The following PDE10A variants were observed in gnomAD, a reference collection of about 807,000 sequenced individuals.
The protein encoded by PDE10A is phosphodiesterase 10A.
In PDE10A, 39 loss-of-function variants were observed where a neutral mutation model predicts 97.7. The ratio of observed to expected loss-of-function variants is 0.40; its 90% CI spans 0.31 to 0.52. The LOEUF is 0.52. Among genes scored for constraint, PDE10A ranks in the 20% least tolerant of loss-of-function variants. The pLI, the probability that PDE10A is intolerant of heterozygous loss-of-function variation, is 0.56. For synonymous variants in PDE10A, 371 were observed against 376.8 expected, an observed-to-expected ratio of 0.98 and a Z score of 0.18; for missense variants, 731 against 1,047.8, an observed-to-expected ratio of 0.70 and a Z score of 4.17.
intron 1 of PDE10A, among the ~76,000 whole-genome samples, chr6:165,821,938 A>G (rs1038304686): frequency 6.6e-6 from 1 of 152,056 alleles, no homozygotes; most frequent in Non-Finnish European, 1.5e-5. Context: ...AAGTGGTTAC[A>G]TTCCTGTTCT....
chr6:165,422,320 TACACACACAGGCATAC>T (rs1562450798), intron 10 of PDE10A, among the ~76,000 whole-genome samples: 1 of 110,632 alleles, frequency 9.0e-6, no homozygotes, highest in Non-Finnish European at 1.9e-5. Flanking sequence ...CATACGCATA[TACACACACAGGCATAC>T]ACACACACAT....
intron 1 of PDE10A, among the ~76,000 whole-genome samples, chr6:165,930,500 T>G (rs1031007015): frequency 1.3e-5 from 2 of 152,222 alleles, no homozygotes; most frequent in Non-Finnish European, 2.9e-5. Context: ...ATGTGTTGTT[T>G]CCCTGCTGAA....
chr6:165,570,130 T>C (rs994488819), intron 1 of PDE10A, among the ~76,000 whole-genome samples: 2 of 152,196 alleles, frequency 1.3e-5, no homozygotes, highest in Non-Finnish European at 2.9e-5. Context: ...ATGAGGTCCA[T>C]AGGGTGAGAC....
intron 3 of PDE10A, among the ~76,000 whole-genome samples, chr6:165,468,330 C>T (rs1016444540): frequency 9.2e-5 from 14 of 151,668 alleles, no homozygotes; most frequent in Non-Finnish European, 1.5e-4. Flanking sequence ...CCTCGTGATC[C>T]GCCCGCCTCA....
chr6:165,687,682 C>T (rs1402639406), intron 1 of PDE10A, among the ~76,000 whole-genome samples: 2 of 152,194 alleles, frequency 1.3e-5, no homozygotes, highest in Non-Finnish European at 2.9e-5. Context: ...TTATGCACTT[C>T]CTCTCACCCA....
At chr6:165,707,461 C>A (rs576453267) in intron 1 of PDE10A, among the ~76,000 whole-genome samples, 4 of 152,328 alleles carry the variant, frequency 2.6e-5, no homozygotes, top group Non-Finnish European at 5.9e-5. Flanking sequence ...TGAGAAACCG[C>A]AGTTTTCATT....
intron 1 of PDE10A, among the ~76,000 whole-genome samples, chr6:165,680,742 A>G (rs1336047332): frequency 1.3e-5 from 2 of 152,154 alleles, no homozygotes; most frequent in Admixed American, 1.3e-4. Context: ...CATCTCTACT[A>G]AAAATACAAA....
intron 1 of PDE10A, among the ~76,000 whole-genome samples, chr6:165,785,027 C>A (rs1318065359): frequency 6.6e-6 from 1 of 152,206 alleles, no homozygotes; most frequent in Non-Finnish European, 1.5e-5. Context: ...AAGGATAGAT[C>A]ATCATGGATT....
intron 1 of PDE10A, among the ~76,000 whole-genome samples, chr6:165,902,344 G>A (rs1440728494): frequency 6.6e-6 from 1 of 152,218 alleles, no homozygotes; most frequent in African/African-American, 2.4e-5. Context: ...CGGCAAGCCG[G>A]CTGCCGAGCT....
intron 1 of PDE10A, among the ~76,000 whole-genome samples, chr6:165,860,494 A>G (rs889389077): frequency 1.3e-5 from 2 of 152,058 alleles, no homozygotes; most frequent in African/African-American, 2.4e-5. Flanking sequence ...AAAAAACACA[A>G]AACCAGATAC....
chr6:165,592,764 A>C (rs1186389372), intron 1 of PDE10A, among the ~76,000 whole-genome samples: 1 of 152,250 alleles, frequency 6.6e-6, no homozygotes, highest in Non-Finnish European at 1.5e-5. Flanking sequence ...ATCTCACACC[A>C]GTTAAAATGG....
At chr6:165,624,699 T>C (rs12208043) in intron 1 of PDE10A, among the ~76,000 whole-genome samples, 14,716 of 152,274 alleles carry the variant, frequency 0.097, 873 homozygotes, top group Non-Finnish European at 0.13. Flanking sequence ...TACCAGACAC[T>C]GCTGCAGACC....
chr6:165,541,138 G>A (rs12661666), intron 2 of PDE10A, among the ~76,000 whole-genome samples: 13,279 of 152,130 alleles, frequency 0.087, 887 homozygotes, highest in East Asian at 0.19. Flanking sequence ...TGGAATGTAA[G>A]GTTCCTTTTT....
chr6:165,674,883 T>C (rs1790751907), intron 1 of PDE10A, among the ~76,000 whole-genome samples: 1 of 152,200 alleles, frequency 6.6e-6, no homozygotes, highest in South Asian at 2.1e-4. Flanking sequence ...TTTGTTGTTG[T>C]TGTTGTTTTC....
At chr6:165,369,819 A>G (rs910719699) in intron 18 of PDE10A, among the ~76,000 whole-genome samples, 3 of 150,922 alleles carry the variant, frequency 2.0e-5, no homozygotes, top group Non-Finnish European at 2.9e-5. Context: ...TGTTAAGGGC[A>G]GCCAGAGAGA....
chr6:165,444,460 T>A (rs1396591772), intron 5 of PDE10A, among the ~76,000 whole-genome samples: 1 of 152,194 alleles, frequency 6.6e-6, no homozygotes, highest in Non-Finnish European at 1.5e-5. Flanking sequence ...TTTCTTGATC[T>A]CTCAATAATT....
At chr6:165,803,485 T>G (rs1217684830) in intron 1 of PDE10A, among the ~76,000 whole-genome samples, 1 of 152,160 alleles carries the variant, frequency 6.6e-6, no homozygotes. Flanking sequence ...AGAAAAAACT[T>G]AAGAGACAAA....
At chr6:165,947,854 G>A (rs755835803) in intron 1 of PDE10A, among the ~76,000 whole-genome samples, 4 of 151,994 alleles carry the variant, frequency 2.6e-5, no homozygotes, top group Non-Finnish European at 4.4e-5. Context: ...ACTTACCCCC[G>A]ACCTGGAATT....
At chr6:165,680,658 C>A (rs1163894577) in intron 1 of PDE10A, among the ~76,000 whole-genome samples, 2 of 152,210 alleles carry the variant, frequency 1.3e-5, no homozygotes, top group East Asian at 1.9e-4. Context: ...AATCCCAGCA[C>A]TTTGGGAGGC....
Sources: allele counts gnomAD v4.1 joint callset (sites outside exome capture counted in the v4.1 genomes callset), GRCh38; gene constraint gnomAD v4.1.1; transcripts MANE v1.5; gene names NCBI Gene and HGNC (gene_info 2026-07-23, HGNC 2026-07-21).